ZSWIM5: variants seen among roughly 807,000 people sequenced by gnomAD.
ZSWIM5 encodes zinc finger SWIM domain-containing protein 5.
A neutral mutation model predicts 119.6 loss-of-function variants in ZSWIM5; 55 were observed. The observed-to-expected ratio is 0.46, with a 90% CI of 0.37 to 0.58. The LOEUF (loss-of-function observed/expected upper bound fraction) is 0.58. Ranked by LOEUF, ZSWIM5 falls within the 20% of genes least tolerant of loss-of-function variation. The probability of loss-of-function intolerance (pLI) is 0.00; values close to 1 mark genes in which losing one functional copy is unlikely to be tolerated. For synonymous variants in ZSWIM5, 537 were observed against 606.9 expected, an observed-to-expected ratio of 0.88 and a Z score of 1.69; for missense variants, 1,193 against 1,512.8, an observed-to-expected ratio of 0.79 and a Z score of 3.51.
At chr1:45,162,704 A>C (rs545861466) in intron 1 of ZSWIM5, among the ~76,000 whole-genome samples, 3 of 151,614 alleles carry the variant, frequency 2.0e-5, no homozygotes, top group Admixed American at 6.6e-5. Context: ...TTCCACGCCC[A>C]CGGAGCCTTG....
intron 1 of ZSWIM5, among the ~76,000 whole-genome samples, chr1:45,113,567 T>C (rs952301304): frequency 7.2e-5 from 11 of 152,160 alleles, no homozygotes; most frequent in African/African-American, 2.4e-4. Context: ...ATCATTCTTT[T>C]AGAAGTGTGG....
At chr1:45,170,998 A>C (rs1645943029) in intron 1 of ZSWIM5, among the ~76,000 whole-genome samples, 1 of 152,200 alleles carries the variant, frequency 6.6e-6, no homozygotes, top group Non-Finnish European at 1.5e-5. Flanking sequence ...TGTAATAAAT[A>C]GTAATTACAT....
chr1:45,022,137 T>TA (rs1021877173), intron 11 of ZSWIM5, among the ~76,000 whole-genome samples: 9 of 150,774 alleles, frequency 6.0e-5, no homozygotes, highest in African/African-American at 1.9e-4. Flanking sequence ...TTATTTTATT[T>TA]TATTTTTTTT....
intron 1 of ZSWIM5, among the ~76,000 whole-genome samples, chr1:45,188,889 T>A (rs1363279091): frequency 1.3e-5 from 2 of 152,172 alleles, no homozygotes; most frequent in Non-Finnish European, 2.9e-5. Flanking sequence ...AGGGAATAGA[T>A]AAAAGGGAAT....
In ZSWIM5 at chr1:45,206,597, C is replaced by T; in HGVS notation, c.-247G>A. 3.2e-6 allele frequency: 3 copies of T among 947,156 alleles called. No individual in the cohort carries two copies. The highest frequency in any genetic ancestry group is 4.9e-5 in the South Asian group (1 of 20,544). The allele number at this position is 947,156 out of a possible 1,614,324, so 58.7% of individuals were successfully genotyped here. A position where few individuals can be genotyped will look rare whatever the true frequency, so the allele number is the denominator to read the frequency against. ...CGCGCGGTGTCCTGGCCGCCGCGGA[C>T]GCGAAGACAGGCGGGAGCGAGCGCG... On this transcript the variant is annotated 5_prime_UTR_variant, in exon 1 of 14. Coordinates refer to ENST00000359600, the MANE Select transcript of ZSWIM5 (RefSeq NM_020883.2).
Position 45,060,111 on chromosome 1 carries a change from T to C in ZSWIM5, c.1089A>G (p.Ser363=), listed in dbSNP as rs1263300203. 1 of 1,614,016 alleles carries C rather than the reference T, an allele frequency of 6.2e-7. No homozygotes were observed. The highest frequency in any genetic ancestry group is 2.2e-5 in the East Asian group (1 of 44,878). The change falls in exon 3 of 14, where the codon TCA becomes TCG. Residue 363 remains serine, a synonymous_variant. Transcript: ENST00000359600. ...TTTCATATCTTACCTTGGCAAACAT[T>C]GAGTTGAGTTGCTTTCCAGAGCCAC... ...GYCGSGKQLN[S]MFAKVREMLR...
intron 4 of ZSWIM5, among the ~76,000 whole-genome samples, chr1:45,051,780 C>T (rs1215820130): frequency 1.3e-5 from 2 of 152,168 alleles, no homozygotes; most frequent in East Asian, 3.9e-4. Context: ...ACTTCCTGAG[C>T]TTCATCAAAT....
chr1:45,119,335 G>A (rs1209306210), intron 1 of ZSWIM5, among the ~76,000 whole-genome samples: 1 of 152,064 alleles, frequency 6.6e-6, no homozygotes, highest in African/African-American at 2.4e-5. Flanking sequence ...TTGTATCATA[G>A]AAGTCTCTGT....
At chr1:45,069,789 T>C (rs1645210664) in intron 2 of ZSWIM5, among the ~76,000 whole-genome samples, 1 of 152,232 alleles carries the variant, frequency 6.6e-6, no homozygotes, top group African/African-American at 2.4e-5. Flanking sequence ...TGTGATAAAC[T>C]TGTCTCTTTA....
chr1:45,093,000 A>G (rs542539628), intron 1 of ZSWIM5, among the ~76,000 whole-genome samples: 1 of 152,166 alleles, frequency 6.6e-6, no homozygotes, highest in Non-Finnish European at 1.5e-5. Context: ...GAAAATTTTG[A>G]TTACTATTAC....
chr1:45,019,258 C>T lies in ZSWIM5; in HGVS notation c.2754G>A (p.Glu918=), dbSNP rs755230576. 12 of 1,613,828 alleles carry T rather than the reference C, an allele frequency of 7.4e-6. No individual in the cohort carries two copies. The highest frequency in any genetic ancestry group is 2.2e-5 in the South Asian group (2 of 91,064). The part of the protein sequence containing the change: ...QSWYTLFTPT[E]ATSIVAATAV... The stretch of plus-strand genomic sequence containing the variant: ...CTGTGGCAGCTACAATACTAGTAGC[C>T]TCAGTAGGGGTGAAGAGTGTGTACC... Residue 918 remains glutamate (E), a synonymous_variant, in exon 14 of 14, where the codon GAG becomes GAA. Coordinates refer to ENST00000359600, the MANE Select transcript of ZSWIM5 (RefSeq NM_020883.2). This position sits in a 1 kb window ranked among gnomAD's most constrained non-coding sequence, Gnocchi z 5.0.
intron 2 of ZSWIM5, among the ~76,000 whole-genome samples, chr1:45,063,817 C>A (rs1239296926): frequency 6.6e-6 from 1 of 151,914 alleles, no homozygotes; most frequent in Non-Finnish European, 1.5e-5. Flanking sequence ...ACAGTCTCTA[C>A]TAAAAATACA....
chr1:45,196,573 G>A (rs1045666262), intron 1 of ZSWIM5, among the ~76,000 whole-genome samples: 3 of 150,226 alleles, frequency 2.0e-5, no homozygotes, highest in African/African-American at 7.3e-5. Flanking sequence ...TGTATTTTTA[G>A]TAGAGGCGGG....
intron 1 of ZSWIM5, among the ~76,000 whole-genome samples, chr1:45,166,023 AT>A (rs1645900199): frequency 6.6e-6 from 1 of 152,150 alleles, no homozygotes; most frequent in African/African-American, 2.4e-5. Context: ...AAAAAAGAGA[AT>A]TTTAGACCAA....
chr1:45,185,172 G>C (rs1392519156), intron 1 of ZSWIM5, among the ~76,000 whole-genome samples: 1 of 151,972 alleles, frequency 6.6e-6, no homozygotes, highest in Non-Finnish European at 1.5e-5. Flanking sequence ...TTTAATAAAC[G>C]ATGCTGGGAA....
At position 45,036,091 on chromosome 1, in the gene ZSWIM5, C is replaced by T; in HGVS notation, c.2103G>A (p.Leu701=). The T allele has an allele frequency of 6.2e-7, 1 of 1,614,154 alleles. No homozygotes were observed. Among genetic ancestry groups the T allele is most frequent in the Non-Finnish European group, 8.5e-7 (1 of 1,180,036 alleles). The change falls in exon 9 of 14, where the codon CTG becomes CTA. Residue 701 remains leucine (L), a synonymous_variant. Coordinates refer to ENST00000359600, the MANE Select transcript of ZSWIM5 (RefSeq NM_020883.2). ...QLLSQLQELQ[L]DDELVQTLQK... ...GCAGTGTTTGCACTAGCTCATCGTC[C>T]AGCTGCAGCTCTTGGAGTTGGCTCA... is the stretch of plus-strand genomic sequence containing the variant.
intron 1 of ZSWIM5, among the ~76,000 whole-genome samples, chr1:45,117,378 A>G (rs1363991049): frequency 7.6e-6 from 1 of 131,752 alleles, no homozygotes; most frequent in Admixed American, 7.0e-5. Flanking sequence ...AATTCACTTC[A>G]TAAAATAACA....
intron 2 of ZSWIM5, among the ~76,000 whole-genome samples, chr1:45,075,484 T>C (rs1230011658): frequency 6.6e-6 from 1 of 152,238 alleles, no homozygotes; most frequent in East Asian, 1.9e-4. Flanking sequence ...TCTTTTAGTT[T>C]TTGTCTTGAA....
chr1:45,048,024 A>G (rs1570023375), intron 5 of ZSWIM5, among the ~76,000 whole-genome samples: 2 of 146,182 alleles, frequency 1.4e-5, no homozygotes, highest in Admixed American at 1.4e-4. Context: ...AAGACCAGTT[A>G]TTATGGTTGT....
Sources: allele counts gnomAD v4.1 joint callset (sites outside exome capture counted in the v4.1 genomes callset), GRCh38; gene constraint gnomAD v4.1.1; non-coding constraint Gnocchi (gnomAD v3.1); transcripts MANE v1.5; gene names NCBI Gene and HGNC (gene_info 2026-07-23, HGNC 2026-07-21).